Variants in PHACTR2 observed in about 807,000 individuals in gnomAD.
PHACTR2 encodes the protein chromosome 6 open reading frame 56.
PHACTR2 carries 30 observed loss-of-function variants against 76.0 expected under a neutral mutation model. That is an observed-to-expected ratio of 0.39 (90% CI 0.30 to 0.54). The LOEUF (loss-of-function observed/expected upper bound fraction) is 0.54, where lower values mean the gene tolerates loss of function less well. Ranked by LOEUF, PHACTR2 falls within the 20% of genes least tolerant of loss-of-function variation. The pLI, the probability that PHACTR2 is intolerant of heterozygous loss-of-function variation, is 0.61. For missense variants in PHACTR2, 696 were observed against 781.1 expected (o/e 0.89, Z 1.30); for synonymous variants, 292 against 292.5 (o/e 1.00, Z 0.02).
chr6:143,748,257 T>C (rs1779111141), intron 2 of PHACTR2, among the ~76,000 whole-genome samples: 1 of 152,010 alleles, frequency 6.6e-6, no homozygotes, highest in East Asian at 1.9e-4. Flanking sequence ...GGAGATGGGG[T>C]TTTGCCATGT....
At chr6:143,552,960 C>A (rs1250303225) in intron 1 of PHACTR2, among the ~76,000 whole-genome samples, 1 of 151,408 alleles carries the variant, frequency 6.6e-6, no homozygotes, top group Non-Finnish European at 1.5e-5. Context: ...TTGAAGAAAC[C>A]TTTAGGAAAA....
rs994020477 is a variant in PHACTR2 at position 143,580,159 on chromosome 6, G to A, written c.217+42952G>A. On this transcript the variant is annotated intron_variant, in intron 1 of 11. Transcript: ENST00000367584. The surrounding 1 kb of genome is among the most constrained non-coding windows in gnomAD (Gnocchi z 4.2). ...GGAGTCATGATCTTTCTATAGCTTC[G>A]TCTCAAAAGTGATATCCCATCCCTT... Among the ~76,000 whole-genome samples the A allele has an allele frequency of 7.2e-5, 11 of 152,240 alleles. No homozygotes were observed. In the East Asian group the frequency reaches 7.7e-4, roughly 11 times the overall value.
At chr6:143,594,139 A>T (rs568229761) in intron 1 of PHACTR2, among the ~76,000 whole-genome samples, 2 of 152,346 alleles carry the variant, frequency 1.3e-5, no homozygotes, top group East Asian at 1.9e-4. Flanking sequence ...TGTTTCCTGC[A>T]CAAAACTATT....
chr6:143,728,216 C>G, intron 2 of PHACTR2, among the ~76,000 whole-genome samples: 1 of 83,744 alleles, frequency 1.2e-5, no homozygotes, highest in African/African-American at 5.1e-5. Flanking sequence ...TTTTTTCTTT[C>G]TTTTTTTTTT....
rs1229015484 is a variant in PHACTR2 at position 143,793,614 on chromosome 6, GA to G, written c.1845+4710del. Among the ~76,000 whole-genome samples, 1 of 152,000 alleles carries G rather than the reference GA, an allele frequency of 6.6e-6. No homozygotes were observed. The highest frequency in any genetic ancestry group is 2.4e-5 in the African/African-American group (1 of 41,402). On this transcript the variant is annotated intron_variant, in intron 11 of 12. Coordinates refer to ENST00000440869, the MANE Select transcript of PHACTR2 (RefSeq NM_001100164.2). This position sits in a 1 kb window ranked among gnomAD's most constrained non-coding sequence, Gnocchi z 4.4. ...TAAGAGGTAGAATTTCTTTTAAATA[GA>G]AAAAATATTGGCCAGGCATGGTGGC... is the stretch of plus-strand genomic sequence containing the variant.
rs953053474 is a variant in PHACTR2 at position 143,821,310 on chromosome 6, A to G, written c.1923-2364A>G. Among the ~76,000 whole-genome samples the G allele has an allele frequency of 6.6e-6, 1 of 152,236 alleles. No homozygotes were observed. Among genetic ancestry groups the G allele is most frequent in the African/African-American group, 2.4e-5 (1 of 41,466 alleles). ...TTGACTTTTGTCAAACACAGAAGTA[A>G]TATAAGTCCCTCGTATCCAACTAGC... On this transcript the variant is annotated intron_variant, in intron 12 of 12. Coordinates refer to ENST00000440869, the MANE Select transcript of PHACTR2 (RefSeq NM_001100164.2). The surrounding 1 kb of genome is among the most constrained non-coding windows in gnomAD (Gnocchi z 5.2).
chr6:143,821,349 T>C lies in PHACTR2; in HGVS notation c.1923-2325T>C, dbSNP rs1776413407. ...TATCCAACTAGCAGCTCCTCAGTTA[T>C]CAATTCGTGGCCCATCTCATTTCAC... is the stretch of plus-strand genomic sequence containing the variant. On this transcript the variant is annotated intron_variant, in intron 12 of 12. Coordinates refer to ENST00000440869, the MANE Select transcript of PHACTR2 (RefSeq NM_001100164.2). This position sits in a 1 kb window ranked among gnomAD's most constrained non-coding sequence, Gnocchi z 5.2. 1.3e-5 allele frequency among the ~76,000 whole-genome samples: 2 copies of C among 152,250 alleles called. No homozygotes were observed. Among genetic ancestry groups the C allele is most frequent in the African/African-American group, 4.8e-5 (2 of 41,468 alleles).
At chr6:143,724,999 G>A (rs1297232241) in intron 2 of PHACTR2, among the ~76,000 whole-genome samples, 2 of 152,138 alleles carry the variant, frequency 1.3e-5, no homozygotes, top group African/African-American at 2.4e-5. Context: ...TTTCTATGGC[G>A]AATATGTGAT....
At chr6:143,668,125 G>A (rs1777076751) in intron 1 of PHACTR2, among the ~76,000 whole-genome samples, 1 of 152,168 alleles carries the variant, frequency 6.6e-6, no homozygotes. Flanking sequence ...TGCATCTATT[G>A]AGATAATCAT....
Position 143,571,165 on chromosome 6 carries a change from C to G in PHACTR2, c.217+33958C>G, listed in dbSNP as rs1775442161. ...GAGCAGTACAGTACAGTACTTCTAA[C>G]TAATCTGCAGCTGTCATTCAAATTT... On this transcript the variant is annotated intron_variant, in intron 1 of 11. Transcript: ENST00000367584. The surrounding 1 kb of genome is among the most constrained non-coding windows in gnomAD (Gnocchi z 4.6). Among the ~76,000 whole-genome samples the G allele has an allele frequency of 6.6e-6, 1 of 152,198 alleles. No individual in the cohort carries two copies. The highest frequency in any genetic ancestry group is 1.5e-5 in the Non-Finnish European group (1 of 68,032).
At chr6:143,718,399 G>A (rs1778350334) in intron 2 of PHACTR2, among the ~76,000 whole-genome samples, 1 of 152,216 alleles carries the variant, frequency 6.6e-6, no homozygotes, top group Admixed American at 6.5e-5. Flanking sequence ...ACACCTGGCA[G>A]TAGGCAAAGG....
At chr6:143,725,359 C>T (rs909590505) in intron 2 of PHACTR2, among the ~76,000 whole-genome samples, 6 of 150,970 alleles carry the variant, frequency 4.0e-5, no homozygotes, top group African/African-American at 1.5e-4. Flanking sequence ...CGCCACCATA[C>T]CCGGCTAATT....
In PHACTR2 at chr6:143,750,046, C is replaced by G. The variant is rs1422053087; in HGVS notation, c.295+981C>G. On this transcript the variant is annotated intron_variant, in intron 3 of 12. Coordinates refer to ENST00000440869, the MANE Select transcript of PHACTR2 (RefSeq NM_001100164.2). This position sits in a 1 kb window ranked among gnomAD's most constrained non-coding sequence, Gnocchi z 4.6. ...TTGCAAAGGACTTAACATTTTTTGG[C>G]ATTCACTATTTGTAAATCAAAATGA... Among the ~76,000 whole-genome samples the G allele has an allele frequency of 6.6e-6, 1 of 152,126 alleles. No individual in the cohort carries two copies. The highest frequency in any genetic ancestry group is 1.5e-5 in the Non-Finnish European group (1 of 68,010).
At chr6:143,712,216 T>C in intron 2 of PHACTR2, 33 bp downstream of exon 2, 1 of 1,333,900 alleles carries the variant, frequency 7.5e-7, no homozygotes, top group Non-Finnish European at 9.8e-7. Context: ...GAAGATGGGA[T>C]AAATTGTAAA....
chr6:143,592,890 TA>T lies in PHACTR2; in HGVS notation c.217+55692del, dbSNP rs922686476. On this transcript the variant is annotated intron_variant, in intron 1 of 11. Transcript: ENST00000367584. The surrounding 1 kb of genome is among the most constrained non-coding windows in gnomAD (Gnocchi z 4.0). ...GGCGAAACCCTGTCTCTACAAAAAA[TA>T]AAAAAAAATAGCCGGACATGGTGAC... is the stretch of plus-strand genomic sequence containing the variant. Among the ~76,000 whole-genome samples the T allele has an allele frequency of 3.3e-5, 5 of 149,260 alleles. No individual in the cohort carries two copies. The highest frequency in any genetic ancestry group is 1.3e-4 in the Admixed American group (2 of 14,972).
intron 1 of PHACTR2, among the ~76,000 whole-genome samples, chr6:143,544,181 A>G (rs1187839850): frequency 6.6e-6 from 1 of 150,478 alleles, no homozygotes; most frequent in African/African-American, 2.5e-5. Flanking sequence ...GCCGTAAAGA[A>G]ATTCTTTGAC....
In PHACTR2 at chr6:143,731,807, T is replaced by C. The variant is rs1778706135; in HGVS notation, c.215-17178T>C. ...TGTAGATTTGTTGTTATTTTCTTCT[T>C]GAAATGTTTGGTAGAATAAACAGTA... is the stretch of plus-strand genomic sequence containing the variant. On this transcript the variant is annotated intron_variant, in intron 2 of 12. Transcript: ENST00000440869. This position sits in a 1 kb window ranked among gnomAD's most constrained non-coding sequence, Gnocchi z 4.9. Among the ~76,000 whole-genome samples, 1 of 151,374 alleles carries C rather than the reference T, an allele frequency of 6.6e-6. No homozygotes were observed. The highest frequency in any genetic ancestry group is 2.1e-4 in the South Asian group (1 of 4,774).
chr6:143,813,613 G>A (rs376913115), intron 12 of PHACTR2, among the ~76,000 whole-genome samples: 1,717 of 93,486 alleles, frequency 0.018, 37 homozygotes, highest in African/African-American at 0.069. Context: ...GCGAGACTCC[G>A]CCTCAAAAAA....
intron 1 of PHACTR2, among the ~76,000 whole-genome samples, chr6:143,577,711 T>G (rs1245587877): frequency 1.3e-5 from 2 of 151,764 alleles, no homozygotes; most frequent in African/African-American, 4.8e-5. Flanking sequence ...AATGTTTGGG[T>G]ACCAGTGTGA....
Sources: allele counts gnomAD v4.1 joint callset (sites outside exome capture counted in the v4.1 genomes callset), GRCh38; gene constraint gnomAD v4.1.1; non-coding constraint Gnocchi (gnomAD v3.1); transcripts MANE v1.5; gene names NCBI Gene and HGNC (gene_info 2026-07-23, HGNC 2026-07-21).